The following SYNE2 variants were observed in gnomAD, a reference collection of about 807,000 sequenced individuals.
The protein encoded by SYNE2 is spectrin repeat containing nuclear envelope protein 2.
SYNE2 carries 431 observed loss-of-function variants against 856.3 expected under a neutral mutation model. The ratio of observed to expected loss-of-function variants is 0.50; its 90% confidence interval spans 0.47 to 0.55. SYNE2 has a LOEUF of 0.55. SYNE2 is among the 20% of genes least tolerant of loss of function. The pLI is 0.00. For synonymous variants in SYNE2, 2,923 were observed against 2,872.3 expected, an observed-to-expected ratio of 1.02 and a Z score of -0.56; for missense variants, 8,129 against 8,023.2, an observed-to-expected ratio of 1.01 and a Z score of -0.50.
At chr14:63,895,305 T>G (rs1287919557) in intron 1 of SYNE2, among the ~76,000 whole-genome samples, 1 of 151,574 alleles carries the variant, frequency 6.6e-6, no homozygotes, top group African/African-American at 2.4e-5. Context: ...GAGACAGGGT[T>G]TCACCATATT....
At chr14:63,806,293 T>C (rs529871181) in intron 1 of SYNE2, among the ~76,000 whole-genome samples, 22 of 152,344 alleles carry the variant, frequency 1.4e-4, no homozygotes, top group Admixed American at 3.3e-4. Context: ...TGTTGATTTG[T>C]GTGTGTTGAA....
intron 3 of SYNE2, 83 bp from the exon 4 acceptor site, chr14:63,941,612 C>A: frequency 8.2e-7 from 1 of 1,218,830 alleles, no homozygotes. Context: ...TTTAGTTTTT[C>A]ACAAAGCACA....
intron 2 of SYNE2, among the ~76,000 whole-genome samples, chr14:63,935,517 A>G (rs142703345): frequency 1.0e-3 from 153 of 152,334 alleles, no homozygotes; most frequent in African/African-American, 3.5e-3. Context: ...TAGATGTCAT[A>G]CTTTTGCACA....
chr14:64,076,136 G>A (rs776618618), intron 54 of SYNE2, 36 bp downstream of exon 54: 16 of 1,603,640 alleles, frequency 1.0e-5, no homozygotes, highest in Admixed American at 3.3e-5. Flanking sequence ...TATTATTTAC[G>A]GAGCTGAATG....
At chr14:64,186,260 A>G (rs558450039) in intron 96 of SYNE2, among the ~76,000 whole-genome samples, 164 bp from the exon 97 acceptor site, 2 of 152,318 alleles carry the variant, frequency 1.3e-5, no homozygotes, top group Admixed American at 1.3e-4. Flanking sequence ...CTGGCCAACC[A>G]CAACTGCAGG....
chr14:63,818,481 G>A (rs180927098), intron 1 of SYNE2, among the ~76,000 whole-genome samples: 52 of 152,104 alleles, frequency 3.4e-4, no homozygotes, highest in African/African-American at 1.2e-3. Context: ...TTGCTCCCCT[G>A]CACTCCAGCT....
At chr14:63,842,792 C>A (rs1325484621) in intron 1 of SYNE2, among the ~76,000 whole-genome samples, 1 of 152,018 alleles carries the variant, frequency 6.6e-6, no homozygotes, top group Non-Finnish European at 1.5e-5. Context: ...AAATTGACAT[C>A]TTTATGATTA....
chr14:64,215,378 T>A (rs750638740), intron 107 of SYNE2, 24 bp downstream of exon 107: 2 of 1,610,288 alleles, frequency 1.2e-6, no homozygotes, highest in Non-Finnish European at 1.7e-6. Flanking sequence ...CATGCATGTG[T>A]CAACATGGCA....
At chr14:63,777,108 G>A (rs1204015782) in intron 1 of SYNE2, among the ~76,000 whole-genome samples, 1 of 152,172 alleles carries the variant, frequency 6.6e-6, no homozygotes, top group Non-Finnish European at 1.5e-5. Flanking sequence ...CTACTGTCTG[G>A]GAGGAGGTAG....
At chr14:64,146,267 G>A (rs370524208) in intron 84 of SYNE2, 44 bp downstream of exon 84, 1 of 1,561,218 alleles carries the variant, frequency 6.4e-7, no homozygotes, top group East Asian at 2.3e-5. Context: ...GAGCTGGGGT[G>A]ATTCGGTCAC....
chr14:64,057,836 A>C (rs868614998), intron 49 of SYNE2, among the ~76,000 whole-genome samples: 2 of 152,192 alleles, frequency 1.3e-5, no homozygotes, highest in South Asian at 2.1e-4. Flanking sequence ...ATGATGTCTC[A>C]TTGTAGTTTT....
chr14:64,001,853 G>A (rs1410659037), intron 28 of SYNE2, 81 bp from the exon 29 acceptor site: 3 of 1,446,532 alleles, frequency 2.1e-6, no homozygotes, highest in Non-Finnish European at 2.9e-6. Flanking sequence ...TCTGTTCTTA[G>A]TTCAGTAATT....
rs1567159713 is a variant in SYNE2 at position 64,051,787 on chromosome 14, A to T, written c.7874A>T (p.Tyr2625Phe). The part of the protein sequence containing the change: ...QKKYSQQVVE[Y>F]DEFTTLMNKV... Reference sequence around the variant, plus strand: ...AAGTATTCTCAGCAGGTAGTGGAATATGATGAATTTACAACCCTCATGAAT... The same window carrying T: ...AAGTATTCTCAGCAGGTAGTGGAATTTGATGAATTTACAACCCTCATGAAT... Residue 2625 changes from tyrosine (Y) to phenylalanine (F), a missense_variant, in exon 48 of 116, where the codon TAT (tyrosine) becomes TTT (phenylalanine). By Grantham distance (22) the Tyr-to-Phe change is conservative (BLOSUM62 3). Around this residue, in one of 3 missense-constraint regions of SYNE2, gnomAD observed 5,410 missense variants for 5,284.8 expected, o/e 1.02. Transcript: ENST00000555002. The T allele has an allele frequency of 6.2e-7, 1 of 1,614,202 alleles. No homozygotes were observed. The highest frequency in any genetic ancestry group is 1.7e-5 in the Admixed American group (1 of 60,020).
At chr14:63,960,901 A>G in intron 8 of SYNE2, 3 of 587,132 alleles carry the variant, frequency 5.1e-6, no homozygotes, top group Non-Finnish European at 6.1e-6. Flanking sequence ...AATAAGATAA[A>G]TAAGATTTTG....
At chr14:63,965,214 C>G (rs2096374765) in intron 10 of SYNE2, among the ~76,000 whole-genome samples, 2 of 152,148 alleles carry the variant, frequency 1.3e-5, no homozygotes, top group African/African-American at 4.8e-5. Context: ...TCGCCCACCT[C>G]AGCCTCCTAA....
intron 66 of SYNE2, among the ~76,000 whole-genome samples, chr14:64,118,182 G>A (rs577987744): frequency 1.1e-4 from 16 of 152,054 alleles, no homozygotes; most frequent in Admixed American, 6.5e-4. Context: ...GTCACGCACC[G>A]AGTTTTAGTA....
intron 49 of SYNE2, among the ~76,000 whole-genome samples, chr14:64,056,467 T>C (rs991694226): frequency 2.6e-5 from 4 of 151,330 alleles, no homozygotes; most frequent in African/African-American, 9.7e-5. Flanking sequence ...AAATATTGTA[T>C]TTCTTCTTTT....
rs80217642 is a variant in SYNE2 at position 64,095,666 on chromosome 14, G to A, written c.12108+2186G>A. Among the ~76,000 whole-genome samples the A allele has an allele frequency of 5.4e-3, 824 of 152,232 alleles. 10 individuals carry two copies. The highest frequency in any genetic ancestry group is 0.019 in the African/African-American group (803 of 41,526). ...AGTTCAGCTTACAACTCAAACAGTAGCATAAGTGCTTTTTCTCAACCATTG... is the reference window on the plus strand; with the variant it reads ...AGTTCAGCTTACAACTCAAACAGTAACATAAGTGCTTTTTCTCAACCATTG... On this transcript the variant is annotated intron_variant, in intron 61 of 115. Coordinates refer to ENST00000555002, the MANE Select transcript of SYNE2 (RefSeq NM_182914.3).
intron 50 of SYNE2, 136 bp from the exon 51 acceptor site, chr14:64,065,296 A>G (rs2097350365): frequency 1.3e-6 from 1 of 783,594 alleles, no homozygotes; most frequent in Non-Finnish European, 2.1e-6. Flanking sequence ...ATTGACTTCT[A>G]AAAGGATAAG....
Sources: allele counts gnomAD v4.1 joint callset (sites outside exome capture counted in the v4.1 genomes callset), GRCh38; gene constraint gnomAD v4.1.1; regional missense constraint gnomAD v4.1.1; transcripts MANE v1.5; gene names NCBI Gene and HGNC (gene_info 2026-07-23, HGNC 2026-07-21).